The following HS3ST5 variants were observed in gnomAD, a reference collection of about 807,000 sequenced individuals.
HS3ST5 encodes the protein heparan sulfate glucosamine 3-O-sulfotransferase 5.
Under a neutral mutation model 25.4 loss-of-function variants are expected in HS3ST5, and 10 were observed. That is an observed-to-expected ratio of 0.39 (90% CI 0.24 to 0.67). The LOEUF is 0.67. Ranked by LOEUF, HS3ST5 falls within the 30% of genes least tolerant of loss-of-function variation. The pLI is 0.44. For missense variants in HS3ST5, 324 were observed against 420.7 expected (o/e 0.77, Z 2.01); for synonymous variants, 170 against 162.4 (o/e 1.05, Z -0.36).
chr6:114,342,406 CG>C lies in HS3ST5; in HGVS notation c.-551del, dbSNP rs1458168369. ...GTGGCGCGTGTGAGTAAGACGCGAGCGGGCCCCACACGCAGGCGGCGGCGGC... is the reference window on the plus strand; with the variant it reads ...GTGGCGCGTGTGAGTAAGACGCGAGCGGCCCCACACGCAGGCGGCGGCGGC... On this transcript the variant is annotated 5_prime_UTR_variant, in exon 1 of 5. Transcript: ENST00000312719. 5.3e-6 allele frequency: 1 copy of C among 190,128 alleles called. No individual in the cohort carries two copies. The allele number at this position is 190,128 out of a possible 1,614,324, so 11.8% of individuals were successfully genotyped here. A position where few individuals can be genotyped will look rare whatever the true frequency, so the allele number is the denominator to read the frequency against.
chr6:114,228,223 T>C (rs1380850561), intron 2 of HS3ST5, among the ~76,000 whole-genome samples: 1 of 152,122 alleles, frequency 6.6e-6, no homozygotes, highest in Non-Finnish European at 1.5e-5. Context: ...TCTACGTTTC[T>C]GTGAAATATC....
At chr6:114,303,776 T>G (rs1478324493) in intron 1 of HS3ST5, among the ~76,000 whole-genome samples, 2 of 152,198 alleles carry the variant, frequency 1.3e-5, no homozygotes, top group Non-Finnish European at 2.9e-5. Context: ...TGAAATATAA[T>G]GCATGCAATT....
intron 1 of HS3ST5, among the ~76,000 whole-genome samples, chr6:114,305,724 A>G (rs923910568): frequency 1.3e-5 from 2 of 152,092 alleles, no homozygotes; most frequent in African/African-American, 4.8e-5. Context: ...TGTGGCAGTA[A>G]ATAATACAAT....
intron 2 of HS3ST5, among the ~76,000 whole-genome samples, chr6:114,215,081 A>G (rs2460439): frequency 1 from 151,920 of 152,154 alleles, 75,844 homozygotes; most frequent in Middle Eastern, 1. Context: ...CGAGGCGGGC[A>G]GATCACGAGG....
In HS3ST5 at chr6:114,057,894, C is replaced by T. The variant is rs1340616801; in HGVS notation, c.404G>A (p.Gly135Asp). 1 of 1,614,142 alleles carries T rather than the reference C, an allele frequency of 6.2e-7. No homozygotes were observed. Among genetic ancestry groups the T allele is most frequent in the Non-Finnish European group, 8.5e-7 (1 of 1,180,038 alleles). The part of the protein sequence containing the change: ...FFDNDENYGK[G>D]IEWYRKKMPF... The stretch of plus-strand genomic sequence containing the variant: ...CATCTTTTTCCTATACCACTCAATG[C>T]CCTTACCATAATTCTCATCATTATC... Residue 135 changes from glycine to aspartate, a missense_variant, in exon 5 of 5, where the codon GGC becomes GAC. Transcript: ENST00000312719.
At chr6:114,291,851 T>C (rs1774592403) in intron 1 of HS3ST5, among the ~76,000 whole-genome samples, 1 of 152,202 alleles carries the variant, frequency 6.6e-6, no homozygotes, top group African/African-American at 2.4e-5. Flanking sequence ...TGCACATTTC[T>C]GTTTTTTCAC....
chr6:114,088,233 C>T (rs1774940708), intron 3 of HS3ST5, among the ~76,000 whole-genome samples: 1 of 152,110 alleles, frequency 6.6e-6, no homozygotes, highest in South Asian at 2.1e-4. Flanking sequence ...AATCCCAGCA[C>T]CTGAATTTTG....
intron 1 of HS3ST5, among the ~76,000 whole-genome samples, chr6:114,302,068 T>G (rs1775099049): frequency 2.0e-5 from 3 of 152,224 alleles, no homozygotes. Context: ...TTTGCAAATA[T>G]TTGAAGTTAC....
chr6:114,139,376 G>C (rs1231663024), intron 3 of HS3ST5, among the ~76,000 whole-genome samples: 1 of 151,558 alleles, frequency 6.6e-6, no homozygotes, highest in East Asian at 1.9e-4. Flanking sequence ...TCTCGCAAAT[G>C]ACATTAGGGA....
Position 114,137,433 on chromosome 6 carries a change from A to G in HS3ST5, c.-33+30918T>C, listed in dbSNP as rs1777680715. 1.3e-5 allele frequency among the ~76,000 whole-genome samples: 2 copies of G among 152,200 alleles called. 1 individual carries two copies. Among genetic ancestry groups the G allele is most frequent in the South Asian group, 4.1e-4 (2 of 4,828 alleles). On this transcript the variant is annotated intron_variant, in intron 3 of 4. Coordinates refer to ENST00000312719, the MANE Select transcript of HS3ST5 (RefSeq NM_153612.4). Reference sequence around the variant, plus strand: ...TCAGGTGAAAAATATTTAGTATATCATTGCTTGGGTGCCAAGAACTGGGTT... The same window carrying G: ...TCAGGTGAAAAATATTTAGTATATCGTTGCTTGGGTGCCAAGAACTGGGTT...
chr6:114,231,136 T>C (rs975315165), intron 1 of HS3ST5, among the ~76,000 whole-genome samples: 9 of 152,112 alleles, frequency 5.9e-5, no homozygotes, highest in Middle Eastern at 3.2e-3. Context: ...ATAGTTCTCA[T>C]GAGGTATGGT....
At chr6:114,157,601 T>TAA (rs1469673277) in intron 3 of HS3ST5, among the ~76,000 whole-genome samples, 2 of 152,212 alleles carry the variant, frequency 1.3e-5, no homozygotes, top group Non-Finnish European at 2.9e-5. Context: ...CAATAAATGA[T>TAA]AAGTATGTGA....
At chr6:114,232,927 A>G (rs1771669723) in intron 1 of HS3ST5, among the ~76,000 whole-genome samples, 1 of 152,138 alleles carries the variant, frequency 6.6e-6, no homozygotes, top group Admixed American at 6.5e-5. Flanking sequence ...TAATTGTGCC[A>G]ATCCCTTGTG....
intron 3 of HS3ST5, among the ~76,000 whole-genome samples, chr6:114,068,521 T>C (rs1490014345): frequency 1.3e-5 from 2 of 152,124 alleles, no homozygotes; most frequent in African/African-American, 2.4e-5. Flanking sequence ...AAGCTGGAGA[T>C]TGTTGCTTTT....
At chr6:114,133,960 A>T (rs768021234) in intron 3 of HS3ST5, among the ~76,000 whole-genome samples, 10 of 152,010 alleles carry the variant, frequency 6.6e-5, no homozygotes, top group Non-Finnish European at 1.2e-4. Flanking sequence ...CACAGAGTGT[A>T]TGTGGGAGCA....
At chr6:114,149,920 C>T (rs976757976) in intron 3 of HS3ST5, among the ~76,000 whole-genome samples, 1 of 152,100 alleles carries the variant, frequency 6.6e-6, no homozygotes, top group Non-Finnish European at 1.5e-5. Context: ...ATTCTGCATC[C>T]TGTCATATCA....
intron 1 of HS3ST5, among the ~76,000 whole-genome samples, chr6:114,334,421 A>G (rs1776526728): frequency 6.6e-6 from 1 of 152,228 alleles, no homozygotes; most frequent in Non-Finnish European, 1.5e-5. Flanking sequence ...AGGACATTCC[A>G]TTTGCATAAA....
chr6:114,308,766 G>A (rs1335332446), intron 1 of HS3ST5, among the ~76,000 whole-genome samples: 1 of 152,130 alleles, frequency 6.6e-6, no homozygotes, highest in Non-Finnish European at 1.5e-5. Context: ...CAGGTAAGGA[G>A]AAATGAGTGA....
At chr6:114,099,754 C>T (rs958952189) in intron 3 of HS3ST5, among the ~76,000 whole-genome samples, 11 of 152,078 alleles carry the variant, frequency 7.2e-5, no homozygotes, top group African/African-American at 2.4e-4. Flanking sequence ...ACTAATTTTC[C>T]ATTCTAATAG....
Sources: gnomAD v4.1 joint callset for allele counts (sites outside exome capture counted in the v4.1 genomes callset) on GRCh38, gnomAD v4.1.1 for gene constraint, MANE v1.5 for transcripts, NCBI Gene and HGNC (gene_info 2026-07-23, HGNC 2026-07-21) for gene names.